HOXD3: variants seen among roughly 807,000 people sequenced by gnomAD.
HOXD3 encodes homeobox protein Hox-D3.
In HOXD3, 13 loss-of-function variants were observed where a neutral mutation model predicts 32.8. The observed-to-expected ratio is 0.40, with a 90% CI of 0.26 to 0.63. The LOEUF (loss-of-function observed/expected upper bound fraction) is 0.63, where lower values mean the gene tolerates loss of function less well. HOXD3 is among the 20% of genes least tolerant of loss of function. The pLI is 0.44. For missense variants in HOXD3, 504 were observed against 577.1 expected, an observed-to-expected ratio of 0.87 and a Z score of 1.30; for synonymous variants, 241 against 246.8, an observed-to-expected ratio of 0.98 and a Z score of 0.22.
intron 1 of HOXD3, among the ~76,000 whole-genome samples, chr2:176,160,187 C>A (rs1690754589): frequency 6.6e-6 from 1 of 152,206 alleles, no homozygotes; most frequent in South Asian, 2.1e-4. Flanking sequence ...GGGAGGCCGC[C>A]TTGCCGGGGT....
chr2:176,152,592 C>G (rs755403954), upstream of HOXD3: 2 of 1,609,722 alleles, frequency 1.2e-6, no homozygotes, highest in Admixed American at 3.3e-5. The surrounding 1 kb of genome is among the most constrained non-coding windows in gnomAD (Gnocchi z 5.2). Flanking sequence ...CCTGTCCTGT[C>G]TGTTTTGTCT....
upstream of HOXD3, chr2:176,152,667 C>T (rs1690565755): frequency 1.9e-6 from 3 of 1,614,182 alleles, no homozygotes; most frequent in Middle Eastern, 4.9e-4. The surrounding 1 kb of genome is among the most constrained non-coding windows in gnomAD (Gnocchi z 5.2). Flanking sequence ...CACCCGGCAG[C>T]AAGTCCTAGA....
chr2:176,167,374 A>G (rs956219917), intron 2 of HOXD3, among the ~76,000 whole-genome samples: 1 of 152,204 alleles, frequency 6.6e-6, no homozygotes, highest in African/African-American at 2.4e-5. Context: ...CCACTCACCC[A>G]TGTTCCATGC....
rs1485633299 is a variant in HOXD3, at chr2:176,172,783, T to G, written c.*509T>G. The G allele has an allele frequency of 6.5e-6, 1 of 154,658 alleles. No individual in the cohort carries two copies. Among genetic ancestry groups the G allele is most frequent in the Non-Finnish European group, 1.4e-5 (1 of 69,630 alleles). The allele number at this position is 154,658 out of a possible 1,614,324, so 9.6% of individuals were successfully genotyped here. On this transcript the variant is annotated 3_prime_UTR_variant, in exon 4 of 4. Transcript: ENST00000683222. ...CCTTGTCTGAATGTATTTATGTGTA[T>G]ATTTGTAGATTTATCCAGCCGAGCT...
At chr2:176,154,033 G>A (rs576512157), upstream of HOXD3, among the ~76,000 whole-genome samples, 11 of 151,748 alleles carry the variant, frequency 7.2e-5, no homozygotes. Context: ...GGGAGAAAGT[G>A]GGAAGGTGAG....
intron 1 of HOXD3, among the ~76,000 whole-genome samples, chr2:176,162,448 C>T (rs1337775281): frequency 1.3e-5 from 2 of 152,328 alleles, no homozygotes; most frequent in African/African-American, 2.4e-5. Flanking sequence ...CTCACGGACG[C>T]AGCTCCTTCC....
At chr2:176,164,050 G>A (rs1286423868) in intron 1 of HOXD3, 23 bp from the exon 2 acceptor site, 2 of 152,062 alleles carry the variant, frequency 1.3e-5, no homozygotes, top group African/African-American at 4.8e-5. Flanking sequence ...GGCTGCTACT[G>A]AGAGTTTTCC....
chr2:176,159,209 G>A (rs1350357612), intron 1 of HOXD3, among the ~76,000 whole-genome samples: 1 of 151,658 alleles, frequency 6.6e-6, no homozygotes, highest in Non-Finnish European at 1.5e-5. Context: ...CCTCTGGCAA[G>A]AGGCTAGGGG....
At chr2:176,155,130 C>T (rs1190839736), upstream of HOXD3, among the ~76,000 whole-genome samples, 7 of 152,152 alleles carry the variant, frequency 4.6e-5, no homozygotes, top group African/African-American at 1.2e-4. Flanking sequence ...TGAAAGGAGC[C>T]GCTATCCTTA....
chr2:176,171,486 C>CT, intron 3 of HOXD3, 31 bp from the exon 4 acceptor site: 1 of 1,550,738 alleles, frequency 6.4e-7, no homozygotes, highest in Non-Finnish European at 8.7e-7. Flanking sequence ...CCCACTCGCT[C>CT]AGCGCCCTCC....
At chr2:176,154,193 A>G (rs1222920792), upstream of HOXD3, among the ~76,000 whole-genome samples, 4 of 152,218 alleles carry the variant, frequency 2.6e-5, no homozygotes, top group Non-Finnish European at 5.9e-5. Flanking sequence ...AATTAGAAGC[A>G]GAATTTGTAA....
upstream of HOXD3, chr2:176,152,607 G>A (rs1690563096): frequency 6.2e-7 from 1 of 1,613,628 alleles, no homozygotes; most frequent in South Asian, 1.1e-5. The surrounding 1 kb of genome is among the most constrained non-coding windows in gnomAD (Gnocchi z 5.2). Context: ...TTGTCTCGCA[G>A]TGAACCCCAA....
At chr2:176,153,475 A>G (rs1690586832), upstream of HOXD3, among the ~76,000 whole-genome samples, 1 of 152,222 alleles carries the variant, frequency 6.6e-6, no homozygotes, top group African/African-American at 2.4e-5. Context: ...TTTTGCTCCC[A>G]GTGGCCCCAC....
chr2:176,167,241 G>A (rs753754945), intron 2 of HOXD3, among the ~76,000 whole-genome samples: 3 of 152,130 alleles, frequency 2.0e-5, no homozygotes, highest in African/African-American at 7.2e-5. Context: ...GTCATGAAAG[G>A]TTCTCTCATT....
At chr2:176,162,386 G>C (rs1690836028) in intron 1 of HOXD3, among the ~76,000 whole-genome samples, 1 of 152,214 alleles carries the variant, frequency 6.6e-6, no homozygotes, top group Non-Finnish European at 1.5e-5. Flanking sequence ...GGGTGCTGCT[G>C]AGGGATGAGG....
upstream of HOXD3, among the ~76,000 whole-genome samples, chr2:176,154,885 T>G (rs1406181985): frequency 1.3e-5 from 2 of 152,236 alleles, no homozygotes; most frequent in African/African-American, 2.4e-5. Flanking sequence ...ACAGAGTTCA[T>G]ACATAGTCAA....
upstream of HOXD3, chr2:176,152,987 C>T: frequency 6.3e-7 from 1 of 1,585,668 alleles, no homozygotes; most frequent in South Asian, 1.1e-5. The surrounding 1 kb of genome is among the most constrained non-coding windows in gnomAD (Gnocchi z 5.2). Flanking sequence ...CCAGGCTGAG[C>T]CGAAGCTGCG....
At chr2:176,164,507 G>A (rs1182625752) in intron 2 of HOXD3, 2 of 152,216 alleles carry the variant, frequency 1.3e-5, no homozygotes, top group African/African-American at 2.4e-5. Context: ...ACGTAAAGAA[G>A]TCTCCTTTCG....
intron 1 of HOXD3, among the ~76,000 whole-genome samples, chr2:176,160,366 G>GA (rs1338347061): frequency 6.6e-6 from 1 of 152,226 alleles, no homozygotes; most frequent in Admixed American, 6.5e-5. Context: ...TCGTTGTGGG[G>GA]AGAGACTCTC....
Sources: gnomAD v4.1 joint callset for allele counts (sites outside exome capture counted in the v4.1 genomes callset) on GRCh38, gnomAD v4.1.1 for gene constraint, Gnocchi (gnomAD v3.1) non-coding constraint, MANE v1.5 for transcripts, NCBI Gene and HGNC (gene_info 2026-07-23, HGNC 2026-07-21) for gene names.